The following KCNC4 variants were observed in gnomAD, a reference collection of about 807,000 sequenced individuals.
The protein encoded by KCNC4 is voltage-gated potassium channel KCNC4.
Under a neutral mutation model 42.8 loss-of-function variants are expected in KCNC4, and 23 were observed. The observed-to-expected ratio is 0.54, with a 90% CI of 0.39 to 0.76. The LOEUF (loss-of-function observed/expected upper bound fraction) is 0.76, where lower values mean the gene tolerates loss of function less well. KCNC4 is among the 30% of genes least tolerant of loss of function. The pLI, the probability that KCNC4 is intolerant of heterozygous loss-of-function variation, is 0.00. For synonymous variants in KCNC4, 422 were observed against 393.5 expected (o/e 1.07, Z -0.86); for missense variants, 751 against 898.2 (o/e 0.84, Z 2.10).
chr1:110,259,959 C>T (rs1278222369), intron 1 of KCNC4, among the ~76,000 whole-genome samples: 1 of 152,184 alleles, frequency 6.6e-6, no homozygotes, highest in African/African-American at 2.4e-5. Context: ...AGGCTCACTT[C>T]CTCTTAGGTA....
chr1:110,213,170 TAAAA>T (rs760587471), intron 1 of KCNC4, among the ~76,000 whole-genome samples: 3 of 50,850 alleles, frequency 5.9e-5, no homozygotes, highest in Admixed American at 2.6e-4. Flanking sequence ...CTTCGACAGC[TAAAA>T]AAAAAAAAAA....
intron 3 of KCNC4, among the ~76,000 whole-genome samples, chr1:110,227,736 C>T (rs1377546077): frequency 6.6e-6 from 1 of 151,624 alleles, no homozygotes; most frequent in African/African-American, 2.4e-5. Context: ...AGCTGAGTGC[C>T]ACGCATCCCT....
At position 110,226,156 on chromosome 1, in the gene KCNC4, C is replaced by T. The variant is rs139597550; in HGVS notation, c.1797C>T (p.Cys599=). ...TGCTCAGCACTGGGGACTATGCCTGCGCCGATGGTAGTGTCCGGAAAGGTA... is the reference window on the plus strand; with the variant it reads ...TGCTCAGCACTGGGGACTATGCCTGTGCCGATGGTAGTGTCCGGAAAGGTA... ...CFLLSTGDYA[C]ADGSVRKETC... The change falls in exon 3 of 4, where the codon TGC becomes TGT. Residue 599 remains cysteine, a synonymous_variant. Transcript: ENST00000438661. The T allele has an allele frequency of 4.4e-5, 71 of 1,614,008 alleles. No individual in the cohort carries two copies. Among genetic ancestry groups the T allele is most frequent in the African/African-American group, 2.4e-4 (18 of 74,928 alleles).
chr1:110,234,192 G>A (rs1238365863), downstream of KCNC4: 2 of 152,190 alleles, frequency 1.3e-5, no homozygotes, highest in African/African-American at 2.4e-5. Flanking sequence ...ATTTTACAGG[G>A]AGAGACTAGT....
chr1:110,260,445 T>C (rs1659404658), intron 1 of KCNC4, among the ~76,000 whole-genome samples: 1 of 152,256 alleles, frequency 6.6e-6, no homozygotes. Context: ...ATGCCTACCA[T>C]GTGTCTATAT....
chr1:110,265,178 C>A (rs1346674056), intron 1 of KCNC4, among the ~76,000 whole-genome samples: 2 of 151,054 alleles, frequency 1.3e-5, no homozygotes, highest in African/African-American at 2.4e-5. Flanking sequence ...ATACTAGTAA[C>A]TTCTTTTACC....
At chr1:110,232,070 C>T (rs1435699470) in intron 3 of KCNC4, 1 of 679,916 alleles carries the variant, frequency 1.5e-6, no homozygotes, top group Non-Finnish European at 2.5e-6. Flanking sequence ...AGTACTCCTA[C>T]CTGCCCTACC....
At chr1:110,232,449 G>T (rs1314008781) in intron 3 of KCNC4, 27 of 1,468,442 alleles carry the variant, frequency 1.8e-5, no homozygotes, top group Admixed American at 2.3e-5. Context: ...AACAGCTGGG[G>T]TGATGGCCTG....
At chr1:110,245,345 C>G (rs947529434) in exon 4 of KCNC4, 5 of 152,226 alleles carry the variant, frequency 3.3e-5, no homozygotes, top group African/African-American at 1.2e-4. Flanking sequence ...CGAGAGCTGG[C>G]AGACCTAGGT....
chr1:110,215,295 C>T (rs1206642517), intron 1 of KCNC4, among the ~76,000 whole-genome samples: 1 of 152,230 alleles, frequency 6.6e-6, no homozygotes, highest in African/African-American at 2.4e-5. Flanking sequence ...GCAGCTGCTG[C>T]TGTGGTTCCG....
At chr1:110,244,221 G>A (rs548612178) in exon 4 of KCNC4, 6 of 152,164 alleles carry the variant, frequency 3.9e-5, no homozygotes, top group Non-Finnish European at 5.9e-5. Flanking sequence ...ACCCTAACTC[G>A]GGTGCGGTGG....
intron 1 of KCNC4, among the ~76,000 whole-genome samples, chr1:110,215,474 A>AG (rs1657747945): frequency 6.6e-6 from 1 of 152,192 alleles, no homozygotes; most frequent in Non-Finnish European, 1.5e-5. Flanking sequence ...GAATGGGGCC[A>AG]GGATGCCCTT....
At chr1:110,259,492 C>T (rs560675499) in intron 1 of KCNC4, among the ~76,000 whole-genome samples, 3 of 152,314 alleles carry the variant, frequency 2.0e-5, no homozygotes, top group East Asian at 3.9e-4. Flanking sequence ...TACCTGATCT[C>T]TCAGACTCTC....
At position 110,229,425 on chromosome 1, in the gene KCNC4, G is replaced by GT. The variant is rs1658582102; in HGVS notation, c.1819+3248dup. On this transcript the variant is annotated intron_variant, in intron 3 of 3. Transcript: ENST00000438661. ...CTCAGGAAGCCTCTGCCCAGATTCA[G>GT]TGGTGACTCCCACTGGCGGCACCTG... Among the ~76,000 whole-genome samples the GT allele has an allele frequency of 2.6e-5, 4 of 152,146 alleles. No individual in the cohort carries two copies. In the South Asian group the frequency reaches 6.2e-4, roughly 24 times the overall value.
intron 1 of KCNC4, among the ~76,000 whole-genome samples, chr1:110,269,743 T>C (rs1056627490): frequency 6.6e-6 from 1 of 152,184 alleles, no homozygotes; most frequent in Non-Finnish European, 1.5e-5. Context: ...GAGGATATAT[T>C]TAACTTTTAA....
At chr1:110,228,832 C>T (rs1251785496) in intron 3 of KCNC4, 1 of 152,378 alleles carries the variant, frequency 6.6e-6, no homozygotes, top group Non-Finnish European at 1.5e-5. Context: ...AACTTAGGCC[C>T]CCGAGCCTGC....
downstream of KCNC4, chr1:110,283,217 A>G (rs1007112205): frequency 1.3e-5 from 2 of 152,032 alleles, no homozygotes; most frequent in African/African-American, 4.8e-5. Context: ...ACTACCACCA[A>G]CCATTTATGA....
At chr1:110,279,405 C>T (rs1316910332) in intron 1 of KCNC4, among the ~76,000 whole-genome samples, 1 of 152,212 alleles carries the variant, frequency 6.6e-6, no homozygotes, top group Non-Finnish European at 1.5e-5. Flanking sequence ...AGTTCTGTCT[C>T]ATTCACTTGT....
chr1:110,262,728 C>G (rs1009576427), intron 1 of KCNC4, among the ~76,000 whole-genome samples: 1 of 152,224 alleles, frequency 6.6e-6, no homozygotes, highest in African/African-American at 2.4e-5. Context: ...CTCTCCCCTA[C>G]TAAGTGGAGG....
Sources: allele counts gnomAD v4.1 joint callset (sites outside exome capture counted in the v4.1 genomes callset), GRCh38; gene constraint gnomAD v4.1.1; transcripts MANE v1.5; gene names NCBI Gene and HGNC (gene_info 2026-07-23, HGNC 2026-07-21).